Variants in MPDZ observed in about 807,000 individuals in gnomAD.
The protein encoded by MPDZ is multiple PDZ domain crumbs cell polarity complex component, also known as multiple PDZ domain protein.
Under a neutral mutation model 239.1 loss-of-function variants are expected in MPDZ, and 234 were observed. The observed-to-expected ratio is 0.98, with a 90% CI of 0.88 to 1.09. The LOEUF (loss-of-function observed/expected upper bound fraction) is 1.09. Among genes scored for constraint, MPDZ ranks in the 50% least tolerant of loss-of-function variants. The pLI, the probability that MPDZ is intolerant of heterozygous loss-of-function variation, is 0.00. For synonymous variants in MPDZ, 1,048 were observed against 881.3 expected (o/e 1.19, Z -3.35); for missense variants, 3,175 against 2,510.0 (o/e 1.26, Z -5.66).
chr9:13,188,102 G>T (rs1220986890), intron 17 of MPDZ, among the ~76,000 whole-genome samples: 1 of 152,136 alleles, frequency 6.6e-6, no homozygotes, highest in Admixed American at 6.6e-5. Flanking sequence ...TGTGATTAAA[G>T]ATTTTATTGT....
At chr9:13,267,169 G>C (rs981307395) in intron 1 of MPDZ, among the ~76,000 whole-genome samples, 1 of 152,116 alleles carries the variant, frequency 6.6e-6, no homozygotes, top group Non-Finnish European at 1.5e-5. Flanking sequence ...GACTGCTATC[G>C]CATGTTATAA....
At chr9:13,184,652 A>G (rs748312598) in intron 18 of MPDZ, among the ~76,000 whole-genome samples, 40 of 152,088 alleles carry the variant, frequency 2.6e-4, no homozygotes, top group South Asian at 6.2e-4. Flanking sequence ...ACATACAACA[A>G]TCTAGATAGA....
At chr9:13,120,847 T>C (rs762733747) in intron 38 of MPDZ, among the ~76,000 whole-genome samples, 9 of 152,174 alleles carry the variant, frequency 5.9e-5, no homozygotes, top group Non-Finnish European at 1.0e-4. Flanking sequence ...ATGGTGGCTA[T>C]CTGAGGCCCA....
chr9:13,106,923 A>T lies in MPDZ; in HGVS notation c.*42T>A. The T allele has an allele frequency of 6.2e-7, 1 of 1,605,694 alleles. No individual in the cohort carries two copies. Among genetic ancestry groups the T allele is most frequent in the Non-Finnish European group, 8.5e-7 (1 of 1,173,234 alleles). ...ACCAGTGCATTCTCTTTACAGTAGG[A>T]GGTGAGCTAGGGGTTGGGTTGGTTC... On this transcript the variant is annotated 3_prime_UTR_variant, in exon 47 of 47. Coordinates refer to ENST00000319217, the MANE Select transcript of MPDZ (RefSeq NM_001378778.1).
At chr9:13,122,604 T>G (rs925474214) in intron 36 of MPDZ, among the ~76,000 whole-genome samples, 38 of 151,102 alleles carry the variant, frequency 2.5e-4, no homozygotes, top group African/African-American at 9.0e-4. Context: ...CACTGCAACC[T>G]CTGCCTCCCA....
intron 27 of MPDZ, among the ~76,000 whole-genome samples, chr9:13,142,290 A>G (rs756710151): frequency 4.6e-5 from 7 of 152,072 alleles, no homozygotes; most frequent in Non-Finnish European, 8.8e-5. Flanking sequence ...CTCAGGCACA[A>G]CATTTTCATA....
chr9:13,248,816 A>T (rs898688932), intron 2 of MPDZ, among the ~76,000 whole-genome samples: 88 of 150,862 alleles, frequency 5.8e-4, no homozygotes, highest in African/African-American at 1.3e-3. Context: ...AAAAAAAAAT[A>T]AAAAAAATCA....
rs556577234 is a variant in MPDZ, at chr9:13,186,372, T to A, written c.2379A>T (p.Glu793Asp). The A allele has an allele frequency of 3.2e-6, 5 of 1,576,470 alleles. No individual in the cohort carries two copies. The highest frequency in any genetic ancestry group is 3.4e-6 in the Non-Finnish European group (4 of 1,159,602). ...VAKPLPLSPE[E>D]GYVSAKEDSF... Reference sequence around the variant, plus strand: ...AATCCTCCTTAGCAGAAACATAACCTTCTTCTGGTGAAAGCTGCAGGGAAA... The same window carrying A: ...AATCCTCCTTAGCAGAAACATAACCATCTTCTGGTGAAAGCTGCAGGGAAA... The change falls in exon 18 of 47, where the codon GAA becomes GAT. Residue 793 changes from glutamate (E) to aspartate (D), a missense_variant. Coordinates refer to ENST00000319217, the MANE Select transcript of MPDZ (RefSeq NM_001378778.1).
intron 32 of MPDZ, among the ~76,000 whole-genome samples, chr9:13,130,098 T>G (rs1945737475): frequency 6.6e-6 from 1 of 152,196 alleles, no homozygotes; most frequent in African/African-American, 2.4e-5. Flanking sequence ...CCTGCTTTGA[T>G]GTATGGGTCC....
At chr9:13,153,066 G>C (rs1400604295) in intron 24 of MPDZ, among the ~76,000 whole-genome samples, 5 of 152,230 alleles carry the variant, frequency 3.3e-5, no homozygotes, top group Middle Eastern at 6.8e-3. Flanking sequence ...AGACAGCATT[G>C]TCAAACATGT....
At chr9:13,117,282 G>A (rs1370761087) in intron 39 of MPDZ, among the ~76,000 whole-genome samples, 3 of 152,018 alleles carry the variant, frequency 2.0e-5, no homozygotes, top group Admixed American at 6.6e-5. Context: ...TAGTTGTCAT[G>A]ACACTTTGGG....
chr9:13,238,113 C>G (rs1479227127), intron 3 of MPDZ, among the ~76,000 whole-genome samples: 2 of 152,156 alleles, frequency 1.3e-5, no homozygotes, highest in Admixed American at 6.5e-5. Context: ...ATTTTCTTCT[C>G]TAACAAAGAG....
intron 25 of MPDZ, among the ~76,000 whole-genome samples, chr9:13,150,132 C>G (rs1948964460): frequency 6.6e-6 from 1 of 151,820 alleles, no homozygotes; most frequent in Non-Finnish European, 1.5e-5. Flanking sequence ...AAATTTTTCC[C>G]TGAGAATTGT....
Position 13,209,015 on chromosome 9 carries a change from C to A in MPDZ, c.1291-2916G>T, listed in dbSNP as rs375892252. On this transcript the variant is annotated intron_variant, in intron 10 of 46. Coordinates refer to ENST00000319217, the MANE Select transcript of MPDZ (RefSeq NM_001378778.1). ...GACCAGCAACTTGGAGGAATTTCTA[C>A]TAGAAATGGTCTGCGCATGGCCAGA... is the stretch of plus-strand genomic sequence containing the variant. 5.3e-5 allele frequency among the ~76,000 whole-genome samples: 8 copies of A among 152,244 alleles called. No homozygotes were observed. In the East Asian group the frequency reaches 1.5e-3, roughly 29 times the overall value.
chr9:13,140,502 T>C (rs1384794333), intron 27 of MPDZ, among the ~76,000 whole-genome samples: 1 of 149,180 alleles, frequency 6.7e-6, no homozygotes, highest in Non-Finnish European at 1.5e-5. Flanking sequence ...TATCTATGTA[T>C]ATATATAGAT....
chr9:13,154,866 G>A (rs991310085), intron 24 of MPDZ, among the ~76,000 whole-genome samples: 2 of 152,232 alleles, frequency 1.3e-5, no homozygotes, highest in Non-Finnish European at 2.9e-5. Context: ...ATGATCATAT[G>A]ATGTGGTAAC....
At position 13,216,771 on chromosome 9, in the gene MPDZ, T is replaced by G; in HGVS notation, c.1290+3A>C. ...CAAAGCTATTGTTAAATGTGTAACT[T>G]ACTGCTATAATTTGGTCTCCAATTT... On this transcript the variant is annotated splice_donor_region_variant and intron_variant, in intron 10 of 46. Coordinates refer to ENST00000319217, the MANE Select transcript of MPDZ (RefSeq NM_001378778.1). 1 of 1,592,936 alleles carries G rather than the reference T, an allele frequency of 6.3e-7. No individual in the cohort carries two copies. The highest frequency in any genetic ancestry group is 8.6e-7 in the Non-Finnish European group (1 of 1,163,380).
At chr9:13,232,116 G>C (rs1182967191) in intron 3 of MPDZ, among the ~76,000 whole-genome samples, 1 of 152,078 alleles carries the variant, frequency 6.6e-6, no homozygotes, top group African/African-American at 2.4e-5. Context: ...AAAGTATAAA[G>C]ACTAGAATTG....
intron 1 of MPDZ, among the ~76,000 whole-genome samples, chr9:13,258,452 T>G (rs1052587369): frequency 6.6e-6 from 1 of 152,210 alleles, no homozygotes; most frequent in African/African-American, 2.4e-5. Context: ...GCATTTAAAT[T>G]TACCATTTCT....
Sources: allele counts gnomAD v4.1 joint callset (sites outside exome capture counted in the v4.1 genomes callset), GRCh38; gene constraint gnomAD v4.1.1; transcripts MANE v1.5; gene names NCBI Gene and HGNC (gene_info 2026-07-23, HGNC 2026-07-21).